LYST: variants seen among roughly 807,000 people sequenced by gnomAD.
LYST encodes lysosomal trafficking regulator.
Under a neutral mutation model 413.6 loss-of-function variants are expected in LYST, and 192 were observed. That is an observed-to-expected ratio of 0.46 (90% CI 0.41 to 0.52). The LOEUF is 0.52. Ranked by LOEUF, LYST falls within the 20% of genes least tolerant of loss-of-function variation. The probability of loss-of-function intolerance (pLI) is 0.00; values close to 1 mark genes in which losing one functional copy is unlikely to be tolerated. For synonymous variants in LYST, 1,525 were observed against 1,567.3 expected (o/e 0.97, Z 0.64); for missense variants, 3,815 against 4,499.9 (o/e 0.85, Z 4.35).
chr1:235,839,624 C>T (rs942899415), intron 1 of LYST: 1 of 150,856 alleles, frequency 6.6e-6, no homozygotes, highest in African/African-American at 2.5e-5. Context: ...AGAACCCCCC[C>T]CACCACGCCC....
rs1572194389 is a variant in LYST at position 235,767,191 on chromosome 1, T to A, written c.5923-914A>T. ...TCTCCCCAGTGGGTAGCAGCTGGCC[T>A]CCAGATTAAGGGTATGGGAGGTAAA... On this transcript the variant is annotated intron_variant, in intron 20 of 52. Transcript: ENST00000389793. Among the ~76,000 whole-genome samples the A allele has an allele frequency of 2.0e-5, 3 of 152,236 alleles. No individual in the cohort carries two copies. The Middle Eastern group carries it at 0.01, about 518-fold the overall frequency.
chr1:235,880,351 T>C (rs1681326098), intron 1 of LYST, among the ~76,000 whole-genome samples: 1 of 152,174 alleles, frequency 6.6e-6, no homozygotes, highest in South Asian at 2.1e-4. Context: ...AAAACATGCA[T>C]GGTAAGAATG....
intron 23 of LYST, 24 bp downstream of exon 23, chr1:235,758,948 G>A (rs1471577204): frequency 2.1e-5 from 34 of 1,611,352 alleles, no homozygotes; most frequent in Non-Finnish European, 2.7e-5. Flanking sequence ...AAGGTGGGAG[G>A]AGTGTACAAA....
rs1344445820 is a variant in LYST at position 235,686,275 on chromosome 1, G to A, written c.10800+674C>T. On this transcript the variant is annotated intron_variant, in intron 48 of 52. Coordinates refer to ENST00000389793, the MANE Select transcript of LYST (RefSeq NM_000081.4). This position sits in a 1 kb window ranked among gnomAD's most constrained non-coding sequence, Gnocchi z 4.0. ...CCAGCTACTCGAGAGGCTGAGGCAC[G>A]AGAATTGATTGAGCCCGGGAGGCAG... is the stretch of plus-strand genomic sequence containing the variant. 3.9e-5 allele frequency among the ~76,000 whole-genome samples: 6 copies of A among 152,180 alleles called. No homozygotes were observed. The highest frequency in any genetic ancestry group is 4.2e-4 in the South Asian group (2 of 4,818).
intron 10 of LYST, among the ~76,000 whole-genome samples, chr1:235,795,398 A>G (rs1278319629): frequency 2.0e-5 from 3 of 152,210 alleles, no homozygotes; most frequent in Non-Finnish European, 4.4e-5. Context: ...AGTAGAGACT[A>G]AAATAAAGTC....
chr1:235,728,945 C>A (rs1260896731), intron 37 of LYST, among the ~76,000 whole-genome samples: 1 of 152,146 alleles, frequency 6.6e-6, no homozygotes, highest in Non-Finnish European at 1.5e-5. Flanking sequence ...CTCAGAATTT[C>A]AGATTCATCA....
chr1:235,805,901 A>C lies in LYST; in HGVS notation c.3235T>G (p.Ser1079Ala), dbSNP rs1672781069. The C allele has an allele frequency of 6.2e-7, 1 of 1,613,948 alleles. No individual in the cohort carries two copies. Among genetic ancestry groups the C allele is most frequent in the African/African-American group, 1.3e-5 (1 of 75,016 alleles). The change falls in exon 6 of 53, where the codon TCA becomes GCA. Residue 1079 changes from serine to alanine, a missense_variant. This residue lies in a region of LYST where 1,648 missense variants were observed against 1,810.3 expected (regional missense o/e 0.91). Transcript: ENST00000389793. ...TCCTCGGGAGCGGCTTCAGTAGCTG[A>C]AACTTCTTCCACATTTATGGAAGAA... ...HISSINVEEVSATEAAPEEAK... is the reference protein window; with the variant it reads ...HISSINVEEVAATEAAPEEAK...
rs780315558 is a variant in LYST at position 235,724,139 on chromosome 1, T to C, written c.9204A>G (p.Thr3068=). The change falls in exon 39 of 53, where the codon ACA becomes ACG. Residue 3068 remains threonine, a synonymous_variant. Transcript: ENST00000389793. ...TGTGAACTTCTTTAATTTCTTCATA[T>C]GTCCAGGAAAATGATGCTGGTTCCA... ...GELEPASFSW[T]YEEIKEVHKR... is the part of the protein sequence containing the mutation. 3 of 1,614,008 alleles carry C rather than the reference T, an allele frequency of 1.9e-6. No individual in the cohort carries two copies. Among genetic ancestry groups the C allele is most frequent in the Non-Finnish European group, 2.5e-6 (3 of 1,179,858 alleles).
intron 32 of LYST, 36 bp downstream of exon 32, chr1:235,734,447 A>C (rs1664644560): frequency 1.3e-6 from 2 of 1,532,380 alleles, no homozygotes; most frequent in Non-Finnish European, 1.8e-6. Context: ...CTATGATGGA[A>C]TCTCCTAAGA....
chr1:235,741,095 G>A (rs12090445), intron 31 of LYST, among the ~76,000 whole-genome samples: 5,649 of 152,146 alleles, frequency 0.037, 350 homozygotes, highest in African/African-American at 0.13. Flanking sequence ...TGTTTCACAG[G>A]TAATATAATG....
chr1:235,829,438 C>T (rs1004296199), intron 3 of LYST: 1 of 152,058 alleles, frequency 6.6e-6, no homozygotes, highest in African/African-American at 2.4e-5. Context: ...TAAAAAAAAT[C>T]CATCATATTG....
chr1:235,686,744 G>GA lies in LYST; in HGVS notation c.10800+204dup, dbSNP rs937753745. 4.0e-5 allele frequency among the ~76,000 whole-genome samples: 6 copies of GA among 151,742 alleles called. No individual in the cohort carries two copies. Among genetic ancestry groups the GA allele is most frequent in the African/African-American group, 9.7e-5 (4 of 41,332 alleles). The stretch of plus-strand genomic sequence containing the variant: ...AGATCTAACTCAAAATACCGTCTCT[G>GA]AAAAAAAATGGGACTACTACAATTG... On this transcript the variant is annotated intron_variant, in intron 48 of 52. Coordinates refer to ENST00000389793, the MANE Select transcript of LYST (RefSeq NM_000081.4). The surrounding 1 kb of genome is among the most constrained non-coding windows in gnomAD (Gnocchi z 4.0).
chr1:235,766,652 T>G (rs953320965), intron 20 of LYST, among the ~76,000 whole-genome samples: 1 of 152,160 alleles, frequency 6.6e-6, no homozygotes, highest in African/African-American at 2.4e-5. Context: ...CTTCACTTTC[T>G]TTGTCTATGT....
chr1:235,741,630 TA>T lies in LYST; in HGVS notation c.8152-3del. On this transcript the variant is annotated splice_region_variant and splice_polypyrimidine_tract_variant and intron_variant, in intron 30 of 52. Transcript: ENST00000389793. ...GGAACCACTGGCTTTACTTGAACCC[TA>T]AAATCAATCAAGATAGGAATGAATT... 6.2e-7 allele frequency: 1 copy of T among 1,609,228 alleles called. No homozygotes were observed. Among genetic ancestry groups the T allele is most frequent in the Non-Finnish European group, 8.5e-7 (1 of 1,175,708 alleles).
At chr1:235,859,710 T>C (rs1679644522) in intron 1 of LYST, among the ~76,000 whole-genome samples, 1 of 152,138 alleles carries the variant, frequency 6.6e-6, no homozygotes, top group African/African-American at 2.4e-5. Flanking sequence ...GATTCCTCCC[T>C]CTCCTTTATC....
chr1:235,846,372 A>G (rs1677868958), intron 1 of LYST, among the ~76,000 whole-genome samples: 1 of 152,142 alleles, frequency 6.6e-6, no homozygotes, highest in Admixed American at 6.5e-5. Flanking sequence ...AATCTGAACA[A>G]CAGTCTTCAG....
intron 47 of LYST, among the ~76,000 whole-genome samples, chr1:235,692,214 T>G (rs1409187403): frequency 6.6e-6 from 1 of 151,300 alleles, no homozygotes; most frequent in Non-Finnish European, 1.5e-5. Context: ...ATGCCTGTAG[T>G]CCCAGCTACT....
intron 3 of LYST, among the ~76,000 whole-genome samples, chr1:235,819,545 C>T (rs1674525527): frequency 6.6e-6 from 1 of 152,154 alleles, no homozygotes; most frequent in African/African-American, 2.4e-5. Flanking sequence ...CCCAATGTGC[C>T]ATATTAGACA....
At chr1:235,879,327 A>C (rs1681273346) in intron 1 of LYST, among the ~76,000 whole-genome samples, 1 of 152,246 alleles carries the variant, frequency 6.6e-6, no homozygotes, top group Non-Finnish European at 1.5e-5. Context: ...GGCATATAAT[A>C]GATGTCTGAA....
Sources: gnomAD v4.1 joint callset for allele counts (sites outside exome capture counted in the v4.1 genomes callset) on GRCh38, gnomAD v4.1.1 for gene constraint, gnomAD v4.1.1 regional missense constraint, Gnocchi (gnomAD v3.1) non-coding constraint, MANE v1.5 for transcripts, NCBI Gene and HGNC (gene_info 2026-07-23, HGNC 2026-07-21) for gene names.